The following HIVEP2 variants were observed in gnomAD, a reference collection of about 807,000 sequenced individuals.
HIVEP2 encodes the protein transcription factor HIVEP2.
A neutral mutation model predicts 180.7 loss-of-function variants in HIVEP2; 14 were observed. The ratio of observed to expected loss-of-function variants is 0.08; its 90% CI spans 0.05 to 0.12. The LOEUF (loss-of-function observed/expected upper bound fraction) is 0.12, where lower values mean the gene tolerates loss of function less well. Ranked by LOEUF, HIVEP2 falls within the 10% of genes least tolerant of loss-of-function variation. HIVEP2 has a pLI of 1.00. For synonymous variants in HIVEP2, 1,184 were observed against 1,136.4 expected (o/e 1.04, Z -0.84); for missense variants, 2,579 against 3,008.5 (o/e 0.86, Z 3.34).
At chr6:142,849,853 A>G (rs1469697675) in intron 1 of HIVEP2, among the ~76,000 whole-genome samples, 1 of 152,154 alleles carries the variant, frequency 6.6e-6, no homozygotes, top group Non-Finnish European at 1.5e-5. Flanking sequence ...CTGAAAAGCT[A>G]CAGAGAGTGG....
At chr6:142,776,896 T>G (rs1582849392) in intron 3 of HIVEP2, among the ~76,000 whole-genome samples, 4 of 152,288 alleles carry the variant, frequency 2.6e-5, no homozygotes, top group Admixed American at 2.6e-4. Context: ...TAAATTTCCC[T>G]TTTAGGAAAT....
At chr6:142,887,756 T>C (rs917696389) in intron 1 of HIVEP2, among the ~76,000 whole-genome samples, 10 of 152,200 alleles carry the variant, frequency 6.6e-5, no homozygotes, top group African/African-American at 2.2e-4. Flanking sequence ...GATCATTTCC[T>C]GCATTGTCTC....
intron 1 of HIVEP2, among the ~76,000 whole-genome samples, chr6:142,841,092 C>T (rs1399287106): frequency 1.3e-5 from 2 of 151,972 alleles, no homozygotes; most frequent in African/African-American, 4.8e-5. Flanking sequence ...TTCTTATGAA[C>T]TTAAATGACC....
At chr6:142,785,974 C>T (rs892007185) in intron 2 of HIVEP2, among the ~76,000 whole-genome samples, 8 of 152,250 alleles carry the variant, frequency 5.3e-5, no homozygotes, top group Non-Finnish European at 8.8e-5. Flanking sequence ...TCAATTGCAG[C>T]GTTTTTGCAC....
At chr6:142,923,421 A>G (rs1777729957) in intron 1 of HIVEP2, among the ~76,000 whole-genome samples, 4 of 152,202 alleles carry the variant, frequency 2.6e-5, no homozygotes, top group Admixed American at 1.3e-4. Context: ...AAAATAAGAT[A>G]GTTAATGCTA....
chr6:142,865,746 T>G (rs895025889), intron 1 of HIVEP2, among the ~76,000 whole-genome samples: 2 of 152,174 alleles, frequency 1.3e-5, no homozygotes, highest in Non-Finnish European at 1.5e-5. Flanking sequence ...GCAGACGATT[T>G]CTAGAAGATA....
chr6:142,851,046 C>A (rs1775657826), intron 1 of HIVEP2, among the ~76,000 whole-genome samples: 1 of 152,162 alleles, frequency 6.6e-6, no homozygotes, highest in Non-Finnish European at 1.5e-5. Context: ...TAGGAAATGA[C>A]TTCTAGATGG....
At chr6:142,789,357 G>T (rs957159718) in intron 2 of HIVEP2, among the ~76,000 whole-genome samples, 1 of 152,146 alleles carries the variant, frequency 6.6e-6, no homozygotes, top group Admixed American at 6.5e-5. Flanking sequence ...CACACGTCAT[G>T]TTTTCTAAGA....
In HIVEP2 at chr6:142,771,499, C is replaced by T. The variant is rs1775542173; in HGVS notation, c.3240G>A (p.Leu1080=). The T allele has an allele frequency of 6.2e-7, 1 of 1,613,580 alleles. No individual in the cohort carries two copies. Among genetic ancestry groups the T allele is most frequent in the African/African-American group, 1.3e-5 (1 of 74,928 alleles). The change falls in exon 5 of 10, where the codon CTG becomes CTA. Residue 1080 remains leucine, a synonymous_variant. Coordinates refer to ENST00000367603, the MANE Select transcript of HIVEP2 (RefSeq NM_006734.4). This position sits in a 1 kb window ranked among gnomAD's most constrained non-coding sequence, Gnocchi z 5.4. ...SPSRERKKCF[L]VRQASFSGSP... ...AGCCACTGAAGGAAGCTTGCCGCAC[C>T]AGAAAGCATTTCTTCCTCTCCCTGG...
At chr6:142,839,705 C>T (rs540971562) in intron 1 of HIVEP2, among the ~76,000 whole-genome samples, 1 of 152,258 alleles carries the variant, frequency 6.6e-6, no homozygotes, top group South Asian at 2.1e-4. Flanking sequence ...TGTTGCAATA[C>T]TGATCACAGT....
At chr6:142,784,693 C>A (rs1323661038) in intron 2 of HIVEP2, among the ~76,000 whole-genome samples, 3 of 152,100 alleles carry the variant, frequency 2.0e-5, no homozygotes, top group African/African-American at 7.2e-5. Context: ...GATTTATTTT[C>A]TTTTTTAAAC....
intron 2 of HIVEP2, among the ~76,000 whole-genome samples, chr6:142,821,655 A>C (rs1207072672): frequency 6.6e-6 from 1 of 152,260 alleles, no homozygotes; most frequent in Admixed American, 6.5e-5. Flanking sequence ...TATTAGCCTA[A>C]TAGTGAGGAG....
At chr6:142,804,950 G>C (rs1776510244) in intron 2 of HIVEP2, among the ~76,000 whole-genome samples, 1 of 152,114 alleles carries the variant, frequency 6.6e-6, no homozygotes, top group South Asian at 2.1e-4. Context: ...GGATTCCACA[G>C]GCCATGGCCA....
chr6:142,894,728 T>A (rs1199988218), intron 1 of HIVEP2, among the ~76,000 whole-genome samples: 1 of 152,176 alleles, frequency 6.6e-6, no homozygotes, highest in Admixed American at 6.5e-5. Context: ...TTTTTTTTAT[T>A]TTACAGATGA....
At chr6:142,868,139 C>T (rs1776189431) in intron 1 of HIVEP2, among the ~76,000 whole-genome samples, 1 of 152,114 alleles carries the variant, frequency 6.6e-6, no homozygotes, top group African/African-American at 2.4e-5. Context: ...AATAGTTATC[C>T]TACCGGGCTA....
chr6:142,860,459 A>G (rs1050314535), intron 1 of HIVEP2, among the ~76,000 whole-genome samples: 12 of 152,156 alleles, frequency 7.9e-5, no homozygotes, highest in Admixed American at 7.2e-4. Flanking sequence ...TGTACACTTT[A>G]TTTCTATTAT....
rs192609631 is a variant in HIVEP2 at position 142,791,793 on chromosome 6, G to T, written c.-527-8178C>A. The stretch of plus-strand genomic sequence containing the variant: ...ACACCAAGTAAGAATTAAAAATAGT[G>T]TGCATGTGTAGGATCAAGACAAATG... On this transcript the variant is annotated intron_variant, in intron 2 of 9. Transcript: ENST00000367603. 1.6e-3 allele frequency among the ~76,000 whole-genome samples: 238 copies of T among 152,262 alleles called. 4 individuals are homozygous for T. The highest frequency in any genetic ancestry group is 5.1e-3 in the African/African-American group (210 of 41,548).
At chr6:142,817,680 C>A (rs1237998968) in intron 2 of HIVEP2, among the ~76,000 whole-genome samples, 1 of 152,138 alleles carries the variant, frequency 6.6e-6, no homozygotes, top group Non-Finnish European at 1.5e-5. Context: ...AGATAAGAAT[C>A]TGCCTTGAAG....
chr6:142,752,716 G>T lies in HIVEP2; in HGVS notation c.*391C>A. 5.5e-6 allele frequency: 1 copy of T among 182,702 alleles called. No individual in the cohort carries two copies. The highest frequency in any genetic ancestry group is 1.2e-5 in the Non-Finnish European group (1 of 85,300). 11.3% of individuals were successfully genotyped at this position (182,702 alleles called of 1,614,324 possible). On this transcript the variant is annotated 3_prime_UTR_variant, in exon 10 of 10. Coordinates refer to ENST00000367603, the MANE Select transcript of HIVEP2 (RefSeq NM_006734.4). The stretch of plus-strand genomic sequence containing the variant: ...TTTAGTGCAACCTCACATATATATT[G>T]ATGCTGTTTTGCTTTACATCATTTA...
Sources: gnomAD v4.1 joint callset for allele counts (sites outside exome capture counted in the v4.1 genomes callset) on GRCh38, gnomAD v4.1.1 for gene constraint, Gnocchi (gnomAD v3.1) non-coding constraint, MANE v1.5 for transcripts, NCBI Gene and HGNC (gene_info 2026-07-23, HGNC 2026-07-21) for gene names.